Variants in RRP12 observed in about 807,000 individuals in gnomAD.
RRP12 encodes RRP12-like protein.
Under a neutral mutation model 157.3 loss-of-function variants are expected in RRP12, and 78 were observed. The ratio of observed to expected loss-of-function variants is 0.50; its 90% CI spans 0.41 to 0.60. The LOEUF is 0.60. RRP12 is among the 20% of genes least tolerant of loss of function. The pLI is 0.00. For synonymous variants in RRP12, 726 were observed against 670.9 expected, an observed-to-expected ratio of 1.08 and a Z score of -1.27; for missense variants, 1,521 against 1,679.9, an observed-to-expected ratio of 0.91 and a Z score of 1.65.
Position 97,369,439 on chromosome 10 carries a change from G to C in RRP12, c.2941C>G (p.His981Asp). The C allele has an allele frequency of 6.2e-7, 1 of 1,612,146 alleles. No individual in the cohort carries two copies. Among genetic ancestry groups the C allele is most frequent in the Non-Finnish European group, 8.5e-7 (1 of 1,179,268 alleles). ...GGGACACTCACCACCAGCTGCACAT[G>C]TTTGGCCAGGTGCGCCACGTCCATG... ...TVMDVAHLAK[H>D]VQLVMEAIGK... Residue 981 changes from histidine to aspartate, a missense_variant, in exon 25 of 34, where the codon CAT (histidine) becomes GAT (aspartate). Physicochemically the swap from His to Asp is moderately conservative, Grantham distance 81 (BLOSUM62 -1). Coordinates refer to ENST00000370992, the MANE Select transcript of RRP12 (RefSeq NM_015179.4).
At position 97,370,746 on chromosome 10, in the gene RRP12, G is replaced by A; in HGVS notation, c.2553C>T (p.His851=). The A allele has an allele frequency of 3.1e-6, 5 of 1,614,110 alleles. No individual in the cohort carries two copies. The highest frequency in any genetic ancestry group is 4.2e-6 in the Non-Finnish European group (5 of 1,180,008). Residue 851 remains histidine, a synonymous_variant, in exon 22 of 34, where the codon CAC becomes CAT. Transcript: ENST00000370992. Reference sequence around the variant, plus strand: ...GGATGAGGGCAGTGATGAACTCCTTGTGTTCAGCTGAGAGCTTCCTCACGA... The same window carrying A: ...GGATGAGGGCAGTGATGAACTCCTTATGTTCAGCTGAGAGCTTCCTCACGA... ...LHIVRKLSAE[H]KEFITALIPE...
intron 3 of RRP12, among the ~76,000 whole-genome samples, chr10:97,395,071 A>G (rs1370765690): frequency 1.3e-5 from 2 of 152,026 alleles, no homozygotes; most frequent in African/African-American, 2.4e-5. Flanking sequence ...TGAACACAGG[A>G]GGTGGAGGTT....
chr10:97,372,669 T>C, intron 19 of RRP12, 67 bp downstream of exon 19: 1 of 1,273,718 alleles, frequency 7.9e-7, no homozygotes. Flanking sequence ...CCACAGTGCT[T>C]CTGCCAGATG....
rs781772899 is a variant in RRP12, at chr10:97,379,690, C to CGCAGCCCCCACTGCCTGGTCAAGA, written c.1590_1613dup (p.Leu531_Ala538dup). ...CCACCTCAGGTCCCATACTGGTCAC[C>CGCAGCCCCCACTGCCTGGTCAAGA]GCAGCCCCCACTGCCTGGTCAAGAG... is the stretch of plus-strand genomic sequence containing the variant. On this transcript the variant is annotated inframe_insertion, in exon 14 of 34. Coordinates refer to ENST00000370992, the MANE Select transcript of RRP12 (RefSeq NM_015179.4). 21 of 1,614,070 alleles carry CGCAGCCCCCACTGCCTGGTCAAGA rather than the reference C, an allele frequency of 1.3e-5. No individual in the cohort carries two copies. In the East Asian group the frequency reaches 4.7e-4, roughly 36 times the overall value.
intron 4 of RRP12, 24 bp from the exon 5 acceptor site, chr10:97,390,868 C>A: frequency 1.3e-6 from 2 of 1,501,564 alleles, no homozygotes; most frequent in South Asian, 2.3e-5. Flanking sequence ...CAGAGATGGT[C>A]ACCCCAGAGG....
chr10:97,370,471 A>G lies in RRP12; in HGVS notation c.2673T>C (p.Phe891=), dbSNP rs769708538. 2.6e-5 allele frequency: 42 copies of G among 1,605,054 alleles called. No individual in the cohort carries two copies. The South Asian group carries it at 4.4e-4, about 17-fold the overall frequency. Residue 891 remains phenylalanine, a synonymous_variant, in exon 23 of 34, where the codon TTT becomes TTC. Transcript: ENST00000370992. ...GGGCCTCACCTTCCTGGTTCGAGCC[A>G]AACCTTAGGAAAGCATGGCCCATCT... ...LVEMGHAFLR[F]GSNQEEALQC...
chr10:97,395,344 G>A (rs1451394732), intron 3 of RRP12, among the ~76,000 whole-genome samples: 1 of 150,392 alleles, frequency 6.6e-6, no homozygotes, highest in Non-Finnish European at 1.5e-5. Context: ...CTGAGGTTGC[G>A]AGTTCGAGAC....
At position 97,381,455 on chromosome 10, in the gene RRP12, T is replaced by C; in HGVS notation, c.1349A>G (p.His450Arg). 3 of 1,612,880 alleles carry C rather than the reference T, an allele frequency of 1.9e-6. No homozygotes were observed. Among genetic ancestry groups the C allele is most frequent in the Non-Finnish European group, 2.5e-6 (3 of 1,179,572 alleles). Residue 450 changes from histidine (H) to arginine (R), a missense_variant, in exon 12 of 34, where the codon CAC becomes CGC. Coordinates refer to ENST00000370992, the MANE Select transcript of RRP12 (RefSeq NM_015179.4). The stretch of plus-strand genomic sequence containing the variant: ...GGTCACGGAGCCAATGTCAGCCATG[T>C]GGGGAGCCACGCATTCCTTCAGGAT... ...KEILKECVAP[H>R]MADIGSVTSS...
intron 2 of RRP12, among the ~76,000 whole-genome samples, chr10:97,397,001 G>C (rs1844982097): frequency 6.6e-6 from 1 of 152,142 alleles, no homozygotes; most frequent in Non-Finnish European, 1.5e-5. Context: ...CTGGCCTCAA[G>C]TGATCTGCCC....
chr10:97,392,074 C>T (rs1844822680), intron 4 of RRP12, among the ~76,000 whole-genome samples: 2 of 151,208 alleles, frequency 1.3e-5, no homozygotes, highest in South Asian at 2.1e-4. Flanking sequence ...CACAATTAGG[C>T]TCACTGCAAC....
rs148066249 is a variant in RRP12 at position 97,360,471 on chromosome 10, C to G, written c.3640+75G>C. The G allele has an allele frequency of 1.9e-4, 232 of 1,226,292 alleles. No individual in the cohort carries two copies. The African/African-American group carries it at 2.9e-3, about 15-fold the overall frequency. The allele number at this position is 1,226,292 out of a possible 1,614,324, so 76.0% of individuals were successfully genotyped here. A position where few individuals can be genotyped will look rare whatever the true frequency, so the allele number is the denominator to read the frequency against. On this transcript the variant is annotated intron_variant, in intron 31 of 33. Coordinates refer to ENST00000370992, the MANE Select transcript of RRP12 (RefSeq NM_015179.4). ...TGTGCACCCTCATGGCCCTGCCACC[C>G]CTTCCTGTGACTCCCCTCCCTAATG...
At chr10:97,358,425 A>G in intron 33 of RRP12, 112 bp downstream of exon 33, 1 of 777,224 alleles carries the variant, frequency 1.3e-6, no homozygotes, top group Non-Finnish European at 2.2e-6. Flanking sequence ...AAAAGCTGGA[A>G]GAGACTCAAA....
At chr10:97,388,926 T>C (rs1481649321) in intron 6 of RRP12, among the ~76,000 whole-genome samples, 1 of 152,224 alleles carries the variant, frequency 6.6e-6, no homozygotes, top group African/African-American at 2.4e-5. Context: ...CTTCATTCAC[T>C]TAATCATCCG....
intron 15 of RRP12, among the ~76,000 whole-genome samples, chr10:97,377,856 A>C (rs1844353169): frequency 6.6e-6 from 1 of 151,964 alleles, no homozygotes; most frequent in South Asian, 2.1e-4. Flanking sequence ...AAAAAAAAAA[A>C]AAAAAGAAAA....
intron 25 of RRP12, among the ~76,000 whole-genome samples, chr10:97,368,374 T>C (rs1335353787): frequency 2.0e-5 from 3 of 151,618 alleles, no homozygotes; most frequent in African/African-American, 7.3e-5. Context: ...TCCCTTTTTT[T>C]TGAGACAGAG....
At chr10:97,379,260 C>T in intron 15 of RRP12, 33 bp downstream of exon 15, 6 of 1,612,096 alleles carry the variant, frequency 3.7e-6, no homozygotes, top group Non-Finnish European at 5.1e-6. Flanking sequence ...TGTGGGGAGC[C>T]TCAGGTCACA....
At chr10:97,373,933 C>T (rs749552673) in intron 15 of RRP12, 39 bp from the exon 16 acceptor site, 36 of 1,585,848 alleles carry the variant, frequency 2.3e-5, no homozygotes, top group Non-Finnish European at 3.1e-5. Flanking sequence ...AGCCCAGCAC[C>T]CTCCTGGCCA....
chr10:97,362,523 C>G (rs1288559034), intron 30 of RRP12, among the ~76,000 whole-genome samples: 2 of 152,164 alleles, frequency 1.3e-5, no homozygotes, highest in Non-Finnish European at 2.9e-5. Flanking sequence ...CGACTGCCAT[C>G]ACCTGGAGAG....
chr10:97,391,404 T>C (rs981675031), intron 4 of RRP12, among the ~76,000 whole-genome samples: 4 of 151,934 alleles, frequency 2.6e-5, no homozygotes, highest in Middle Eastern at 3.4e-3. Context: ...AAACCCTGTA[T>C]CTACTAAAAA....
Sources: allele counts gnomAD v4.1 joint callset (sites outside exome capture counted in the v4.1 genomes callset), GRCh38; gene constraint gnomAD v4.1.1; transcripts MANE v1.5; gene names NCBI Gene and HGNC (gene_info 2026-07-23, HGNC 2026-07-21).